MAPK4: variants seen among roughly 807,000 people sequenced by gnomAD.
MAPK4 encodes the protein mitogen-activated protein kinase 4.
In MAPK4, 22 loss-of-function variants were observed where a neutral mutation model predicts 47.7. The observed-to-expected ratio is 0.46, with a 90% CI of 0.33 to 0.66. The LOEUF (loss-of-function observed/expected upper bound fraction) is 0.66. Among genes scored for constraint, MAPK4 ranks in the 30% least tolerant of loss-of-function variants. The pLI, the probability that MAPK4 is intolerant of heterozygous loss-of-function variation, is 0.02. For missense variants in MAPK4, 736 were observed against 831.7 expected, an observed-to-expected ratio of 0.88 and a Z score of 1.42; for synonymous variants, 390 against 365.7, an observed-to-expected ratio of 1.07 and a Z score of -0.76.
chr18:50,584,382 A>T (rs374439966), intron 1 of MAPK4, among the ~76,000 whole-genome samples: 1 of 152,190 alleles, frequency 6.6e-6, no homozygotes, highest in African/African-American at 2.4e-5. Flanking sequence ...ATGAGGCTGG[A>T]TGAACTGCGG....
chr18:50,628,554 C>A (rs984211687), intron 1 of MAPK4, among the ~76,000 whole-genome samples: 1 of 152,118 alleles, frequency 6.6e-6, no homozygotes, highest in African/African-American at 2.4e-5. Flanking sequence ...TTTTTTGGAT[C>A]CATGTTCTTA....
At chr18:50,589,782 T>C (rs897193025) in intron 1 of MAPK4, among the ~76,000 whole-genome samples, 12 of 152,202 alleles carry the variant, frequency 7.9e-5, no homozygotes, top group Non-Finnish European at 1.6e-4. Context: ...TGAGCATGCT[T>C]TTGTTAGCTC....
chr18:50,598,323 C>A (rs999056308), intron 1 of MAPK4, among the ~76,000 whole-genome samples: 15 of 152,036 alleles, frequency 9.9e-5, no homozygotes, highest in African/African-American at 3.6e-4. Flanking sequence ...GACAAACAGT[C>A]CTCCCGCTTC....
At chr18:50,652,825 G>A (rs1378606529) in intron 1 of MAPK4, among the ~76,000 whole-genome samples, 1 of 152,084 alleles carries the variant, frequency 6.6e-6, no homozygotes, top group Non-Finnish European at 1.5e-5. Context: ...AGTCTGGGAA[G>A]GGAAAGGAGA....
intron 1 of MAPK4, among the ~76,000 whole-genome samples, chr18:50,611,370 C>T (rs952770776): frequency 1.3e-5 from 2 of 152,230 alleles, no homozygotes; most frequent in East Asian, 1.9e-4. Flanking sequence ...AGCCCAATAA[C>T]GTGCAACTTA....
At chr18:50,637,117 T>A (rs2042895590) in intron 1 of MAPK4, among the ~76,000 whole-genome samples, 1 of 152,128 alleles carries the variant, frequency 6.6e-6, no homozygotes, top group Non-Finnish European at 1.5e-5. Flanking sequence ...ATCTCCCATC[T>A]CTGGGTCTCA....
At chr18:50,711,917 T>C (rs1910388593) in intron 2 of MAPK4, among the ~76,000 whole-genome samples, 1 of 151,830 alleles carries the variant, frequency 6.6e-6, no homozygotes, top group African/African-American at 2.4e-5. Context: ...CAGTACCATG[T>C]TGTGGGCCCC....
rs149218956 is a variant in MAPK4, at chr18:50,657,503, T to A, written c.-870-5586T>A. Among the ~76,000 whole-genome samples, 49 of 152,266 alleles carry A rather than the reference T, an allele frequency of 3.2e-4. 1 individual carries two copies. The East Asian group carries it at 8.5e-3, about 26-fold the overall frequency. ...ACCTGAGTGAGCTTGGAAGCCGATC[T>A]TCCTCCCTATTTGAGCCTTGAGATG... On this transcript the variant is annotated intron_variant, in intron 1 of 5. Coordinates refer to ENST00000400384, the MANE Select transcript of MAPK4 (RefSeq NM_002747.4).
chr18:50,702,103 A>G (rs563582734), intron 2 of MAPK4, among the ~76,000 whole-genome samples: 1 of 140,660 alleles, frequency 7.1e-6, no homozygotes, highest in African/African-American at 2.6e-5. Context: ...CGGAGGTTGC[A>G]GTGAGCTGAG....
intron 1 of MAPK4, among the ~76,000 whole-genome samples, chr18:50,609,767 C>T (rs1270138249): frequency 6.6e-6 from 1 of 152,132 alleles, no homozygotes; most frequent in Non-Finnish European, 1.5e-5. Flanking sequence ...GGATTTGAAT[C>T]TAGACAGTTT....
rs1225790793 is a variant in MAPK4, at chr18:50,678,783, C to T, written c.546+14279C>T. On this transcript the variant is annotated intron_variant, in intron 2 of 5. Coordinates refer to ENST00000400384, the MANE Select transcript of MAPK4 (RefSeq NM_002747.4). This position sits in a 1 kb window ranked among gnomAD's most constrained non-coding sequence, Gnocchi z 4.2. ...GTCCATCATGCACCTGGCAGGATCCCCTTGTTTTCTGGGTGAAGGCAGCAG... is the reference window on the plus strand; with the variant it reads ...GTCCATCATGCACCTGGCAGGATCCTCTTGTTTTCTGGGTGAAGGCAGCAG... Among the ~76,000 whole-genome samples the T allele has an allele frequency of 6.6e-6, 1 of 152,190 alleles. No homozygotes were observed. Among genetic ancestry groups the T allele is most frequent in the Non-Finnish European group, 1.5e-5 (1 of 68,046 alleles).
upstream of MAPK4, chr18:50,560,031 T>TG (rs1317779760): frequency 2.0e-5 from 3 of 147,674 alleles, no homozygotes; most frequent in African/African-American, 4.9e-5. Flanking sequence ...GGCCCGGCTC[T>TG]GGGCGGAGCC....
chr18:50,619,159 T>A (rs1360016556), intron 1 of MAPK4, among the ~76,000 whole-genome samples: 1 of 152,202 alleles, frequency 6.6e-6, no homozygotes, highest in Non-Finnish European at 1.5e-5. Context: ...GATTCCAGGC[T>A]AAAGGTATAG....
At chr18:50,607,319 G>A (rs751563240) in intron 1 of MAPK4, among the ~76,000 whole-genome samples, 10 of 152,260 alleles carry the variant, frequency 6.6e-5, no homozygotes, top group Non-Finnish European at 1.0e-4. Flanking sequence ...ACTTGCTTAC[G>A]ATCTCACAAA....
intron 1 of MAPK4, among the ~76,000 whole-genome samples, chr18:50,571,584 T>C (rs548332022): frequency 1.1e-4 from 16 of 152,358 alleles, no homozygotes; most frequent in African/African-American, 3.8e-4. Flanking sequence ...AGCCCAAATT[T>C]CTTTTATCAG....
chr18:50,584,336 C>T (rs775598290), intron 1 of MAPK4, among the ~76,000 whole-genome samples: 11 of 152,100 alleles, frequency 7.2e-5, no homozygotes, highest in Non-Finnish European at 1.2e-4. Flanking sequence ...ATCCTAATTT[C>T]CCATCCACTT....
intron 1 of MAPK4, among the ~76,000 whole-genome samples, chr18:50,648,965 G>A (rs748726366): frequency 1.4e-4 from 22 of 152,156 alleles, no homozygotes; most frequent in Non-Finnish European, 2.5e-4. Context: ...GGGACTCTAC[G>A]CCTCTCTGCA....
intron 1 of MAPK4, among the ~76,000 whole-genome samples, chr18:50,632,616 ATTTTTTTT>A (rs10531891): frequency 8.2e-6 from 1 of 122,330 alleles, no homozygotes; most frequent in East Asian, 2.3e-4. Flanking sequence ...GTCTGGTTTA[ATTTTTTTT>A]TTTTTTTTTT....
rs1319695587 is a variant in MAPK4, at chr18:50,582,465, A to C, written c.-871+22222A>C. On this transcript the variant is annotated intron_variant, in intron 1 of 5. Coordinates refer to ENST00000400384, the MANE Select transcript of MAPK4 (RefSeq NM_002747.4). ...ACAGAGATGTTATGGTTGTTGCACCAAGAATTCCTGCACTGGGCAGGTGGG... is the reference window on the plus strand; with the variant it reads ...ACAGAGATGTTATGGTTGTTGCACCCAGAATTCCTGCACTGGGCAGGTGGG... 2.6e-5 allele frequency among the ~76,000 whole-genome samples: 4 copies of C among 152,354 alleles called. No homozygotes were observed. The East Asian group carries it at 7.7e-4, about 29-fold the overall frequency.
Sources: gnomAD v4.1 joint callset for allele counts (sites outside exome capture counted in the v4.1 genomes callset) on GRCh38, gnomAD v4.1.1 for gene constraint, Gnocchi (gnomAD v3.1) non-coding constraint, MANE v1.5 for transcripts, NCBI Gene and HGNC (gene_info 2026-07-23, HGNC 2026-07-21) for gene names.